HK2: variants seen among roughly 807,000 people sequenced by gnomAD.
The protein encoded by HK2 is hexokinase-2.
Under a neutral mutation model 92.9 loss-of-function variants are expected in HK2, and 42 were observed. That is an observed-to-expected ratio of 0.45 (90% confidence interval 0.35 to 0.58). HK2 has a LOEUF of 0.58. Among genes scored for constraint, HK2 ranks in the 20% least tolerant of loss-of-function variants. HK2 has a pLI of 0.00. For missense variants in HK2, 978 were observed against 1,245.1 expected (o/e 0.79, Z 3.23); for synonymous variants, 422 against 468.0 (o/e 0.90, Z 1.27).
Position 74,834,366 on chromosome 2 carries a change from T to C in HK2, c.-215T>C. ...GCCAGGAGAGAACTGAGGCGCCTTC[T>C]AGCAGTTGTGACGCCAAAATCACGT... On this transcript the variant is annotated 5_prime_UTR_variant, in exon 1 of 18. Coordinates refer to ENST00000290573, the MANE Select transcript of HK2 (RefSeq NM_000189.5). The surrounding 1 kb of genome is among the most constrained non-coding windows in gnomAD (Gnocchi z 4.2). 2 of 623,690 alleles carry C rather than the reference T, an allele frequency of 3.2e-6. No homozygotes were observed. The highest frequency in any genetic ancestry group is 5.8e-6 in the Non-Finnish European group (2 of 345,560). 38.6% of individuals were successfully genotyped at this position (623,690 alleles called of 1,614,324 possible). A position where few individuals can be genotyped will look rare whatever the true frequency, so the allele number is the denominator to read the frequency against.
chr2:74,881,924 G>C lies in HK2; in HGVS notation c.1719+65G>C, dbSNP rs545720139. 43 of 1,572,196 alleles carry C rather than the reference G, an allele frequency of 2.7e-5. No homozygotes were observed. In the Middle Eastern group the frequency reaches 6.7e-4, roughly 24 times the overall value. ...ACGTCACCTCTTGCCTTCGAGGACA[G>C]TGCTTTCTCTGCTCATCTGTGACCC... On this transcript the variant is annotated intron_variant, in intron 11 of 17. Transcript: ENST00000290573.
intron 2 of HK2, among the ~76,000 whole-genome samples, chr2:74,860,144 A>T (rs1688790324): frequency 7.1e-6 from 1 of 141,244 alleles, no homozygotes. Flanking sequence ...AAGTGGAATG[A>T]TAGACCATGG....
intron 4 of HK2, among the ~76,000 whole-genome samples, chr2:74,873,074 T>G (rs899196172): frequency 6.6e-6 from 1 of 152,222 alleles, no homozygotes; most frequent in Non-Finnish European, 1.5e-5. Context: ...ACTGAAACAT[T>G]GTTATGCGGC....
At chr2:74,847,526 A>T (rs929774256) in intron 1 of HK2, among the ~76,000 whole-genome samples, 1 of 152,034 alleles carries the variant, frequency 6.6e-6, no homozygotes, top group African/African-American at 2.4e-5. Flanking sequence ...GAAAAAATAA[A>T]ATTAAAAAAA....
intron 2 of HK2, among the ~76,000 whole-genome samples, chr2:74,863,450 T>C (rs1040317715): frequency 1.3e-5 from 2 of 152,242 alleles, no homozygotes; most frequent in African/African-American, 4.8e-5. Context: ...TACTTCTGTA[T>C]GGCTGAGCTC....
intron 3 of HK2, among the ~76,000 whole-genome samples, chr2:74,871,175 T>A (rs1411354447): frequency 2.0e-5 from 3 of 152,220 alleles, no homozygotes; most frequent in African/African-American, 7.2e-5. Flanking sequence ...ATAGTCGGTC[T>A]GTGGGGGCGG....
chr2:74,878,567 A>C (rs1054907985), intron 8 of HK2, 121 bp from the exon 9 acceptor site: 1 of 806,152 alleles, frequency 1.2e-6, no homozygotes, highest in African/African-American at 1.7e-5. Context: ...ATGAAGAGGG[A>C]TTCTGTCCCC....
intron 1 of HK2, among the ~76,000 whole-genome samples, chr2:74,844,643 G>A (rs1284489372): frequency 6.6e-6 from 1 of 152,182 alleles, no homozygotes; most frequent in African/African-American, 2.4e-5. Context: ...ATGCCACTGT[G>A]GGGCAAGAGG....
In HK2 at chr2:74,836,946, A is replaced by C. The variant is rs6707123; in HGVS notation, c.63+2303A>C. Among the ~76,000 whole-genome samples, 140 of 152,304 alleles carry C rather than the reference A, an allele frequency of 9.2e-4. 1 individual carries two copies. The highest frequency in any genetic ancestry group is 3.3e-3 in the African/African-American group (139 of 41,568). The stretch of plus-strand genomic sequence containing the variant: ...CTGAGGACGTGGAAGGCTTGGGTTC[A>C]CCTGCCCAACGAGGTCACTTGTCGT... On this transcript the variant is annotated intron_variant, in intron 1 of 17. Transcript: ENST00000290573.
rs1434364709 is a variant in HK2 at position 74,834,507 on chromosome 2, G to T, written c.-74G>T. 6.8e-7 allele frequency: 1 copy of T among 1,481,206 alleles called. No homozygotes were observed. Among genetic ancestry groups the T allele is most frequent in the Non-Finnish European group, 9.4e-7 (1 of 1,062,152 alleles). The allele number at this position is 1,481,206 out of a possible 1,614,324, so 91.8% of individuals were successfully genotyped here. A position where few individuals can be genotyped will look rare whatever the true frequency, so the allele number is the denominator to read the frequency against. On this transcript the variant is annotated 5_prime_UTR_variant, in exon 1 of 18. Coordinates refer to ENST00000290573, the MANE Select transcript of HK2 (RefSeq NM_000189.5). This position sits in a 1 kb window ranked among gnomAD's most constrained non-coding sequence, Gnocchi z 4.2. The stretch of plus-strand genomic sequence containing the variant: ...AGCCGAGCCCCAGCACAAAGCAGTC[G>T]GACCGCGCCGCCCGCCTCCCCTCTC...
chr2:74,872,497 TGTG>T (rs1689120638), intron 4 of HK2, 78 bp downstream of exon 4: 78 of 1,506,052 alleles, frequency 5.2e-5, no homozygotes, highest in East Asian at 1.5e-4. Flanking sequence ...AGCCACCTGC[TGTG>T]GTGGTGGTGG....
Position 74,878,797 on chromosome 2 carries a change from C to T in HK2, c.1141C>T (p.Arg381Cys), listed in dbSNP as rs1458565782. 10 of 1,561,482 alleles carry T rather than the reference C, an allele frequency of 6.4e-6. No homozygotes were observed. The highest frequency in any genetic ancestry group is 2.7e-5 in the African/African-American group (2 of 73,368). The stretch of plus-strand genomic sequence containing the variant: ...CCGGATCTGCCAGATCGTGTCCACA[C>T]GCTCCGCCAGCCTGTGCGCAGCCAC... ...THRICQIVST[R>C]SASLCAATLA... Residue 381 changes from arginine to cysteine, a missense_variant, in exon 9 of 18, where the codon CGC (arginine) becomes TGC (cysteine). Around this residue, in one of 3 missense-constraint regions of HK2, gnomAD observed 742 missense variants for 922.5 expected, o/e 0.80. Coordinates refer to ENST00000290573, the MANE Select transcript of HK2 (RefSeq NM_000189.5).
rs762274795 is a variant in HK2 at position 74,885,574 on chromosome 2, G to A, written c.1920G>A (p.Ala640=). 4 of 1,612,558 alleles carry A rather than the reference G, an allele frequency of 2.5e-6. No homozygotes were observed. The highest frequency in any genetic ancestry group is 1.7e-5 in the Admixed American group (1 of 60,016). The change falls in exon 13 of 18, where the codon GCG becomes GCA. Residue 640 remains alanine (A), a synonymous_variant. Coordinates refer to ENST00000290573, the MANE Select transcript of HK2 (RefSeq NM_000189.5). The stretch of plus-strand genomic sequence containing the variant: ...ACGTGGTGACCCTGCTGAAGGAAGC[G>A]ATCCACCGGCGAGAGGTAGGAGACA... The part of the protein sequence containing the change: ...GEDVVTLLKE[A]IHRREEFDLD...
chr2:74,882,611 ATATATATATAGCATT>A (rs938273054), intron 12 of HK2, among the ~76,000 whole-genome samples: 15 of 133,628 alleles, frequency 1.1e-4, no homozygotes, highest in African/African-American at 4.1e-4. Context: ...GAACTTATAT[ATATATATATAGCATT>A]TTTAAGCACT....
intron 1 of HK2, among the ~76,000 whole-genome samples, chr2:74,846,859 C>A (rs1439347610): frequency 6.6e-6 from 1 of 152,178 alleles, no homozygotes; most frequent in Non-Finnish European, 1.5e-5. Flanking sequence ...CGAAAGTAGT[C>A]ATAATAAGGC....
At position 74,889,408 on chromosome 2, in the gene HK2, G is replaced by C; in HGVS notation, c.2539G>C (p.Glu847Gln). Residue 847 changes from glutamate (E) to glutamine (Q), a missense_variant, in exon 17 of 18, where the codon GAA becomes CAA. Physicochemically the swap from Glu to Gln is conservative, Grantham distance 29. Transcript: ENST00000290573. Reference protein sequence around the residue: ...GMAAVVDRIRENRGLDALKVT... With the variant: ...GMAAVVDRIRQNRGLDALKVT... ...GGCCGCTGTGGTGGACAGGATACGA[G>C]AAAACCGTGGGCTGGACGCTCTCAA... 8 of 1,614,188 alleles carry C rather than the reference G, an allele frequency of 5.0e-6. No individual in the cohort carries two copies. The highest frequency in any genetic ancestry group is 6.8e-6 in the Non-Finnish European group (8 of 1,180,022).
At position 74,887,988 on chromosome 2, in the gene HK2, C is replaced by T. The variant is rs141474061; in HGVS notation, c.2305C>T (p.Arg769Ter). 12 of 1,613,978 alleles carry T rather than the reference C, an allele frequency of 7.4e-6. No individual in the cohort carries two copies. The highest frequency in any genetic ancestry group is 1.7e-5 in the Admixed American group (1 of 59,996). ...TTTCACCAAGCGTGGACTACTCTTCCGAGGCCGCATCTCAGAGCGGCTCAA... is the reference window on the plus strand; with the variant it reads ...TTTCACCAAGCGTGGACTACTCTTCTGAGGCCGCATCTCAGAGCGGCTCAA... ...IDFTKRGLLF[R>*]GRISERLKTR... Residue 769 changes from arginine (R) to a stop codon, truncating the protein, a stop_gained, in exon 16 of 18, where the codon CGA becomes TGA. Transcript: ENST00000290573. LOFTEE classifies it high-confidence loss of function.
intron 3 of HK2, among the ~76,000 whole-genome samples, chr2:74,870,554 CTTTT>C (rs60629948): frequency 0.011 from 1,305 of 123,156 alleles, 21 homozygotes; most frequent in African/African-American, 0.036. Context: ...CTGCATCTCC[CTTTT>C]TTTTTTTTTT....
intron 1 of HK2, among the ~76,000 whole-genome samples, chr2:74,846,142 A>T (rs1024246855): frequency 2.6e-5 from 4 of 152,224 alleles, no homozygotes; most frequent in African/African-American, 9.7e-5. Context: ...AAAAATATGA[A>T]ATTCTTTTGA....
Sources: allele counts gnomAD v4.1 joint callset (sites outside exome capture counted in the v4.1 genomes callset), GRCh38; gene constraint gnomAD v4.1.1; regional missense constraint gnomAD v4.1.1; non-coding constraint Gnocchi (gnomAD v3.1); transcripts MANE v1.5; gene names NCBI Gene and HGNC (gene_info 2026-07-23, HGNC 2026-07-21).